PAQR5: variants seen among roughly 807,000 people sequenced by gnomAD.
PAQR5 encodes the protein progestin and adipoQ receptor family member 5, also known as membrane progestin receptor gamma.
PAQR5 carries 20 observed loss-of-function variants against 34.5 expected under a neutral mutation model. The ratio of observed to expected loss-of-function variants is 0.58; its 90% confidence interval spans 0.41 to 0.84. The LOEUF is 0.84. Ranked by LOEUF, PAQR5 falls within the 40% of genes least tolerant of loss-of-function variation. The probability of loss-of-function intolerance (pLI) is 0.00; values close to 1 mark genes in which losing one functional copy is unlikely to be tolerated. For missense variants in PAQR5, 378 were observed against 412.7 expected, an observed-to-expected ratio of 0.92 and a Z score of 0.73; for synonymous variants, 131 against 155.6, an observed-to-expected ratio of 0.84 and a Z score of 1.18.
chr15:69,337,933 C>G (rs2054548715), intron 2 of PAQR5, among the ~76,000 whole-genome samples: 1 of 152,000 alleles, frequency 6.6e-6, no homozygotes, highest in African/African-American at 2.4e-5. Context: ...AAAAATTAGC[C>G]AGGTGTAGTG....
chr15:69,325,659 T>C (rs997037745), intron 1 of PAQR5, among the ~76,000 whole-genome samples: 1 of 152,200 alleles, frequency 6.6e-6, no homozygotes, highest in South Asian at 2.1e-4. Flanking sequence ...TCTCCACTTC[T>C]GCTACCAGCC....
intron 1 of PAQR5, among the ~76,000 whole-genome samples, chr15:69,299,673 C>G (rs983425344): frequency 2.0e-5 from 3 of 152,212 alleles, no homozygotes; most frequent in African/African-American, 7.2e-5. Context: ...CCTAGCACTT[C>G]CCAAGTCCTA....
At chr15:69,364,467 T>TATTATATATGTAATATATATAC (rs2055329976) in intron 3 of PAQR5, among the ~76,000 whole-genome samples, 20 of 122,270 alleles carry the variant, frequency 1.6e-4, no homozygotes, top group Non-Finnish European at 2.5e-4. Flanking sequence ...ATGTAATATA[T>TATTATATATGTAATATATATAC]ATTATATATG....
chr15:69,354,636 A>G (rs1488434857), intron 2 of PAQR5, among the ~76,000 whole-genome samples: 1 of 152,166 alleles, frequency 6.6e-6, no homozygotes, highest in African/African-American at 2.4e-5. Flanking sequence ...ATGGGTACCA[A>G]GTTGACAGGG....
chr15:69,358,963 A>G (rs1017530321), intron 2 of PAQR5, among the ~76,000 whole-genome samples: 2 of 152,098 alleles, frequency 1.3e-5, no homozygotes, highest in Non-Finnish European at 2.9e-5. Context: ...TTGGCATGCT[A>G]TCACAAAATA....
chr15:69,319,602 C>G (rs891688386), intron 1 of PAQR5, among the ~76,000 whole-genome samples: 3 of 152,114 alleles, frequency 2.0e-5, no homozygotes, highest in African/African-American at 7.2e-5. Flanking sequence ...TCTTTGGAAA[C>G]ACAGCTGGGC....
intron 3 of PAQR5, among the ~76,000 whole-genome samples, chr15:69,376,849 A>G (rs1354719323): frequency 6.6e-6 from 1 of 152,170 alleles, no homozygotes; most frequent in Non-Finnish European, 1.5e-5. Flanking sequence ...TGACGACGTC[A>G]GTCCCCCTAG....
At chr15:69,395,497 T>C (rs1222103378) in intron 6 of PAQR5, among the ~76,000 whole-genome samples, 1 of 152,220 alleles carries the variant, frequency 6.6e-6, no homozygotes, top group Admixed American at 6.5e-5. Flanking sequence ...TGCATGTGTT[T>C]TTAAAAGCTG....
chr15:69,396,612 A>G (rs2056441112), intron 6 of PAQR5, among the ~76,000 whole-genome samples: 1 of 152,146 alleles, frequency 6.6e-6, no homozygotes, highest in Admixed American at 6.5e-5. Flanking sequence ...TGGCCCAGCC[A>G]GGGCCCATGA....
At chr15:69,390,348 A>ATTTTTTTTTT (rs67519047) in intron 6 of PAQR5, among the ~76,000 whole-genome samples, 1 of 124,882 alleles carries the variant, frequency 8.0e-6, no homozygotes, top group African/African-American at 2.7e-5. Flanking sequence ...TTATTTATTT[A>ATTTTTTTTTT]TTTATTTATT....
At chr15:69,369,355 G>GT (rs1456624770) in intron 3 of PAQR5, among the ~76,000 whole-genome samples, 2 of 152,120 alleles carry the variant, frequency 1.3e-5, no homozygotes, top group Non-Finnish European at 2.9e-5. Flanking sequence ...GACCAACATG[G>GT]TGAAACCCTG....
At chr15:69,358,914 C>A (rs1028565161) in intron 2 of PAQR5, among the ~76,000 whole-genome samples, 2 of 152,066 alleles carry the variant, frequency 1.3e-5, no homozygotes, top group Non-Finnish European at 2.9e-5. Flanking sequence ...CCACACCTGG[C>A]CTTAGCTCTG....
intron 1 of PAQR5, among the ~76,000 whole-genome samples, chr15:69,300,937 C>CTCTTTCCTTCTTTCTTTTTCTT (rs1160182676): frequency 1.9e-4 from 1 of 5,154 alleles, no homozygotes; most frequent in Non-Finnish European, 9.0e-4. Flanking sequence ...CTCTCTCTCT[C>CTCTTTCCTTCTTTCTTTTTCTT]TCTTTCTTTC....
At chr15:69,382,342 C>T (rs1475998637) in intron 4 of PAQR5, among the ~76,000 whole-genome samples, 2 of 152,056 alleles carry the variant, frequency 1.3e-5, no homozygotes, top group African/African-American at 2.4e-5. Context: ...GTTAGAAAGA[C>T]TGCCTTGAAA....
At chr15:69,360,614 G>A (rs1022357917) in intron 3 of PAQR5, among the ~76,000 whole-genome samples, 1 of 152,118 alleles carries the variant, frequency 6.6e-6, no homozygotes, top group African/African-American at 2.4e-5. Context: ...GTGGACCCAT[G>A]GGCCTGGGAG....
intron 1 of PAQR5, among the ~76,000 whole-genome samples, chr15:69,316,537 G>A (rs775212615): frequency 5.2e-4 from 79 of 151,250 alleles, no homozygotes; most frequent in Non-Finnish European, 9.9e-4. Context: ...TACGATATTG[G>A]GTTAGCGGGA....
rs565025542 is a variant in PAQR5 at position 69,360,892 on chromosome 15, C to A, written c.51+761C>A. Among the ~76,000 whole-genome samples, 3 of 152,306 alleles carry A rather than the reference C, an allele frequency of 2.0e-5. No individual in the cohort carries two copies. In the South Asian group the frequency reaches 6.2e-4, roughly 32 times the overall value. ...CTACTTGGCTTGGCTGATTACCAAG[C>A]ACTTATGACTTGCCCCAGAAAAATA... On this transcript the variant is annotated intron_variant, in intron 3 of 8. Coordinates refer to ENST00000395407, the MANE Select transcript of PAQR5 (RefSeq NM_017705.4).
intron 7 of PAQR5, among the ~76,000 whole-genome samples, chr15:69,398,757 A>G (rs2056533143): frequency 6.6e-6 from 1 of 152,248 alleles, no homozygotes; most frequent in African/African-American, 2.4e-5. Flanking sequence ...ATTCTGTCCC[A>G]TGTACCTCCA....
intron 1 of PAQR5, among the ~76,000 whole-genome samples, chr15:69,326,481 T>C (rs1238694096): frequency 6.6e-6 from 1 of 150,564 alleles, no homozygotes; most frequent in Non-Finnish European, 1.5e-5. Flanking sequence ...TGTTGCACAG[T>C]CTGGAGTGCA....
Sources: allele counts gnomAD v4.1 joint callset (sites outside exome capture counted in the v4.1 genomes callset), GRCh38; gene constraint gnomAD v4.1.1; transcripts MANE v1.5; gene names NCBI Gene and HGNC (gene_info 2026-07-23, HGNC 2026-07-21).